Variants in UNC13C observed in about 807,000 individuals in gnomAD.
UNC13C encodes the protein protein unc-13 homolog C.
A neutral mutation model predicts 245.4 loss-of-function variants in UNC13C; 174 were observed. The ratio of observed to expected loss-of-function variants is 0.71; its 90% CI spans 0.63 to 0.80. UNC13C has a LOEUF of 0.80. Ranked by LOEUF, UNC13C falls within the 30% of genes least tolerant of loss-of-function variation. The pLI is 0.00. For missense variants in UNC13C, 2,829 were observed against 2,602.9 expected, an observed-to-expected ratio of 1.09 and a Z score of -1.89; for synonymous variants, 992 against 895.1, an observed-to-expected ratio of 1.11 and a Z score of -1.93.
At chr15:54,288,773 T>C (rs977248432) in intron 10 of UNC13C, among the ~76,000 whole-genome samples, 4 of 152,086 alleles carry the variant, frequency 2.6e-5, no homozygotes, top group Admixed American at 2.6e-4. Context: ...TTACTAGGCT[T>C]CCAGGAGACG....
At chr15:54,127,832 C>T (rs902803666) in intron 2 of UNC13C, among the ~76,000 whole-genome samples, 1 of 148,044 alleles carries the variant, frequency 6.8e-6, no homozygotes. Flanking sequence ...AAAGCTTGAA[C>T]CTTCCTCCTT....
chr15:53,897,010 A>G, the UNC13C span, among the ~76,000 whole-genome samples: 1 of 151,968 alleles, frequency 6.6e-6, no homozygotes, highest in South Asian at 2.1e-4. Flanking sequence ...TAATTACTTT[A>G]AGACTGTGGA....
intron 1 of UNC13C, among the ~76,000 whole-genome samples, chr15:53,988,805 C>A (rs778730145): frequency 6.6e-6 from 1 of 151,960 alleles, no homozygotes; most frequent in Non-Finnish European, 1.5e-5. Context: ...TCATTCCATT[C>A]TTAGAGGGCA....
chr15:54,425,104 A>G (rs2040732855), intron 19 of UNC13C, among the ~76,000 whole-genome samples: 1 of 151,872 alleles, frequency 6.6e-6, no homozygotes, highest in African/African-American at 2.4e-5. Context: ...GTGAAAGAGT[A>G]TGAGTGACAT....
chr15:54,491,919 G>C (rs1243148815), intron 19 of UNC13C, among the ~76,000 whole-genome samples: 6 of 149,588 alleles, frequency 4.0e-5, no homozygotes, highest in African/African-American at 1.5e-4. Flanking sequence ...GTCAACCCGG[G>C]AGGCGGAGCT....
In UNC13C at chr15:54,346,626, GA is replaced by G. The variant is rs1340979224; in HGVS notation, c.4713+8141del. Among the ~76,000 whole-genome samples the G allele has an allele frequency of 3.3e-5, 5 of 152,202 alleles. No homozygotes were observed. The East Asian group carries it at 9.6e-4, about 29-fold the overall frequency. ...ATAAGAAAGGAAAATCGATTTGATA[GA>G]AAAGTAGAGACAGCTGCAGTTAGAA... On this transcript the variant is annotated intron_variant, in intron 17 of 32. Transcript: ENST00000260323.
the UNC13C span, among the ~76,000 whole-genome samples, chr15:53,938,630 G>A: frequency 0.019 from 2,962 of 152,128 alleles, 106 homozygotes; most frequent in African/African-American, 0.069. Flanking sequence ...CTCAGCAAAT[G>A]CAAAAGAACT....
chr15:54,385,474 T>C (rs2039817927), intron 17 of UNC13C, among the ~76,000 whole-genome samples: 1 of 152,088 alleles, frequency 6.6e-6, no homozygotes, highest in Non-Finnish European at 1.5e-5. Context: ...TTCTCATTTA[T>C]ATGTGGGAGC....
At chr15:53,960,005 T>C in the UNC13C span, among the ~76,000 whole-genome samples, 1 of 152,152 alleles carries the variant, frequency 6.6e-6, no homozygotes, top group African/African-American at 2.4e-5. Flanking sequence ...ACTTTTCCCA[T>C]TAAAAGTTTT....
chr15:54,342,446 T>G (rs777635451), intron 17 of UNC13C, among the ~76,000 whole-genome samples: 22 of 152,086 alleles, frequency 1.4e-4, no homozygotes, highest in African/African-American at 4.8e-5. Flanking sequence ...GTGTCTATAG[T>G]CACACCTACT....
intron 30 of UNC13C, among the ~76,000 whole-genome samples, chr15:54,570,291 G>T (rs1280013792): frequency 2.6e-5 from 4 of 152,118 alleles, no homozygotes; most frequent in African/African-American, 9.7e-5. Context: ...CTCTGGAATG[G>T]GATTCCAGCA....
chr15:53,930,865 A>G, the UNC13C span, among the ~76,000 whole-genome samples: 4 of 152,200 alleles, frequency 2.6e-5, no homozygotes, highest in East Asian at 7.7e-4. Context: ...TTTTCAGTGT[A>G]AAGATTTTTA....
At chr15:54,555,635 T>A in intron 29 of UNC13C, 123 bp downstream of exon 29, 1 of 705,400 alleles carries the variant, frequency 1.4e-6, no homozygotes, top group Non-Finnish European at 2.4e-6. Context: ...AGTAGATAGT[T>A]GAATAGATAT....
At chr15:54,359,321 A>G (rs2039173664) in intron 17 of UNC13C, among the ~76,000 whole-genome samples, 1 of 151,676 alleles carries the variant, frequency 6.6e-6, no homozygotes, top group Non-Finnish European at 1.5e-5. Flanking sequence ...ATATCATTGT[A>G]ATGCTGACTT....
intron 1 of UNC13C, among the ~76,000 whole-genome samples, chr15:54,005,104 A>G (rs1211769256): frequency 6.6e-6 from 1 of 152,230 alleles, no homozygotes; most frequent in East Asian, 1.9e-4. Flanking sequence ...CCAAGTCCTG[A>G]GGGATATCCT....
At chr15:54,247,162 T>C (rs968466745) in intron 7 of UNC13C, among the ~76,000 whole-genome samples, 1 of 152,212 alleles carries the variant, frequency 6.6e-6, no homozygotes, top group African/African-American at 2.4e-5. Context: ...TTCTGTTTAA[T>C]GGCTTTTCAT....
At chr15:54,165,954 T>C (rs938812799) in intron 4 of UNC13C, among the ~76,000 whole-genome samples, 1 of 152,104 alleles carries the variant, frequency 6.6e-6, no homozygotes, top group Non-Finnish European at 1.5e-5. Context: ...TGTTTTCTTA[T>C]TTCTTGCCAT....
intron 2 of UNC13C, among the ~76,000 whole-genome samples, chr15:54,106,647 A>G (rs1007155633): frequency 1.1e-4 from 17 of 152,176 alleles, no homozygotes; most frequent in African/African-American, 4.1e-4. Context: ...ATCTCTTCTT[A>G]TCATTTCCCC....
rs1425100086 is a variant in UNC13C at position 54,622,538 on chromosome 15, C to T, written c.6199+119C>T. The stretch of plus-strand genomic sequence containing the variant: ...CTGCACAATTATTTTAGGGCATGCA[C>T]AAAATTTCCTAATGAAACCCAAACT... On this transcript the variant is annotated intron_variant, in intron 31 of 32. Coordinates refer to ENST00000260323, the MANE Select transcript of UNC13C (RefSeq NM_001080534.3). 7.0e-6 allele frequency: 5 copies of T among 716,636 alleles called. No homozygotes were observed. The East Asian group carries it at 8.1e-5, about 12-fold the overall frequency. The allele number at this position is 716,636 out of a possible 1,614,324, so 44.4% of individuals were successfully genotyped here.
Sources: allele counts gnomAD v4.1 joint callset (sites outside exome capture counted in the v4.1 genomes callset), GRCh38; gene constraint gnomAD v4.1.1; transcripts MANE v1.5; gene names NCBI Gene and HGNC (gene_info 2026-07-23, HGNC 2026-07-21).